Variants in FYB2 observed in about 807,000 individuals in gnomAD.
The protein encoded by FYB2 is FYN binding protein 2, also known as FYN-binding protein 2.
FYB2 carries 103 observed loss-of-function variants against 94.1 expected under a neutral mutation model. The ratio of observed to expected loss-of-function variants is 1.09; its 90% CI spans 0.93 to 1.29. The LOEUF (loss-of-function observed/expected upper bound fraction) is 1.29, where lower values mean the gene tolerates loss of function less well. FYB2 is among the 50% of genes most tolerant of loss of function. The pLI is 0.00. For missense variants in FYB2, 896 were observed against 841.5 expected, an observed-to-expected ratio of 1.06 and a Z score of -0.80; for synonymous variants, 293 against 287.9, an observed-to-expected ratio of 1.02 and a Z score of -0.18.
intron 4 of FYB2, among the ~76,000 whole-genome samples, chr1:56,771,872 C>T (rs980538107): frequency 2.6e-5 from 4 of 151,886 alleles, no homozygotes; most frequent in Admixed American, 6.6e-5. Flanking sequence ...CACATTCCAC[C>T]CAATTGTTTT....
At chr1:56,727,560 C>T (rs948906484) in intron 15 of FYB2, among the ~76,000 whole-genome samples, 1 of 152,034 alleles carries the variant, frequency 6.6e-6, no homozygotes, top group Non-Finnish European at 1.5e-5. Flanking sequence ...AGTTACATAA[C>T]TCTATATACA....
Position 56,720,257 on chromosome 1 carries a change from A to T in FYB2, c.2047T>A (p.Leu683Met). 6.2e-7 allele frequency: 1 copy of T among 1,612,146 alleles called. No individual in the cohort carries two copies. The highest frequency in any genetic ancestry group is 1.7e-5 in the Admixed American group (1 of 59,880). ...AATTCTTCTCCAGGACTTATTGGCA[A>T]ATCAAATATTCCATTTCTTGAATTA... ...SNNSRNGIFDLPISPGEELEV... is the reference protein window; with the variant it reads ...SNNSRNGIFDMPISPGEELEV... The change falls in exon 18 of 20, where the codon TTG becomes ATG. Residue 683 changes from leucine to methionine, a missense_variant. Coordinates refer to ENST00000343433, the MANE Select transcript of FYB2 (RefSeq NM_001004303.5).
chr1:56,819,144 G>T, intron 1 of FYB2, 138 bp downstream of exon 1: 1 of 902,778 alleles, frequency 1.1e-6, no homozygotes, highest in Non-Finnish European at 1.7e-6. Flanking sequence ...AAATGCACTG[G>T]CTGACACCTG....
intron 4 of FYB2, among the ~76,000 whole-genome samples, chr1:56,779,889 C>T (rs1645968205): frequency 6.6e-6 from 1 of 152,094 alleles, no homozygotes; most frequent in African/African-American, 2.4e-5. Context: ...GTTCTGAGTT[C>T]ATATCCCAAA....
chr1:56,742,741 T>C (rs967532378), intron 11 of FYB2, among the ~76,000 whole-genome samples: 1 of 152,040 alleles, frequency 6.6e-6, no homozygotes, highest in African/African-American at 2.4e-5. Flanking sequence ...GGTCAGGATT[T>C]TTAGGTTCAA....
At chr1:56,752,541 G>C (rs1645224313) in intron 8 of FYB2, among the ~76,000 whole-genome samples, 1 of 152,012 alleles carries the variant, frequency 6.6e-6, no homozygotes, top group Non-Finnish European at 1.5e-5. Flanking sequence ...AAGAATAAGA[G>C]GAGGGGCATT....
rs114520910 is a variant in FYB2, at chr1:56,739,408, T to C, written c.1704-755A>G. ...TACAATTTATAAACCTCATGTTTTG[T>C]AGGGTCTCTTGGTAGATCTAGATCC... On this transcript the variant is annotated intron_variant, in intron 13 of 19. Coordinates refer to ENST00000343433, the MANE Select transcript of FYB2 (RefSeq NM_001004303.5). 7.3e-3 allele frequency among the ~76,000 whole-genome samples: 1,104 copies of C among 152,160 alleles called. 4 individuals are homozygous for C. Among genetic ancestry groups the C allele is most frequent in the Non-Finnish European group, 0.011 (750 of 67,966 alleles).
chr1:56,822,933 G>C (rs137964950), upstream of FYB2, among the ~76,000 whole-genome samples: 47 of 152,060 alleles, frequency 3.1e-4, no homozygotes, highest in East Asian at 7.6e-3. Flanking sequence ...ATTCTTGTTG[G>C]TTAGATTAAT....
At chr1:56,772,643 A>G (rs536781887) in intron 4 of FYB2, among the ~76,000 whole-genome samples, 1 of 152,258 alleles carries the variant, frequency 6.6e-6, no homozygotes, top group East Asian at 1.9e-4. Flanking sequence ...TATGAGACAG[A>G]CCTGGAACAT....
intron 4 of FYB2, among the ~76,000 whole-genome samples, chr1:56,781,647 T>G (rs559690272): frequency 6.6e-6 from 1 of 152,318 alleles, no homozygotes; most frequent in South Asian, 2.1e-4. Flanking sequence ...TCCCATGAAA[T>G]TTATTATTTA....
intron 4 of FYB2, among the ~76,000 whole-genome samples, chr1:56,775,117 T>C (rs1455114866): frequency 2.0e-5 from 3 of 152,132 alleles, no homozygotes; most frequent in Admixed American, 6.6e-5. Flanking sequence ...TGTGAGTCAA[T>C]ACTCCTTAAT....
chr1:56,753,884 T>A lies in FYB2; in HGVS notation c.1182A>T (p.Lys394Asn). The change falls in exon 8 of 20, where the codon AAA (lysine) becomes AAT (asparagine). Residue 394 changes from lysine to asparagine, a missense_variant. By Grantham distance (94) the Lys-to-Asn change is moderately conservative. Coordinates refer to ENST00000343433, the MANE Select transcript of FYB2 (RefSeq NM_001004303.5). The part of the protein sequence containing the change: ...KMKEKQPCEL[K>N]PKNTEKEPYS... ...ATGGTTCCTTTTCTGTGTTTTTAGG[T>A]TTCAATTCACATGGTTGTTTTTCCT... 1.9e-6 allele frequency: 3 copies of A among 1,611,740 alleles called. No homozygotes were observed. Among genetic ancestry groups the A allele is most frequent in the Non-Finnish European group, 2.5e-6 (3 of 1,178,326 alleles).
intron 1 of FYB2, among the ~76,000 whole-genome samples, chr1:56,806,720 T>A (rs1358586375): frequency 1.3e-5 from 2 of 152,130 alleles, no homozygotes; most frequent in Admixed American, 6.6e-5. Context: ...CAAATGGGGT[T>A]TATGATGTCT....
At chr1:56,818,962 G>A (rs1421711561) in intron 1 of FYB2, among the ~76,000 whole-genome samples, 2 of 152,174 alleles carry the variant, frequency 1.3e-5, no homozygotes, top group East Asian at 3.9e-4. Context: ...AGAAGCCAGC[G>A]GGCGCTTCAA....
At chr1:56,758,987 T>C (rs554211638) in intron 5 of FYB2, among the ~76,000 whole-genome samples, 7 of 152,178 alleles carry the variant, frequency 4.6e-5, no homozygotes, top group Non-Finnish European at 1.0e-4. Flanking sequence ...TGTGAAACCA[T>C]TTCAGTTTCC....
At chr1:56,812,817 G>A (rs1471111404) in intron 1 of FYB2, among the ~76,000 whole-genome samples, 3 of 152,210 alleles carry the variant, frequency 2.0e-5, no homozygotes, top group Non-Finnish European at 2.9e-5. Context: ...GTTGATGGGG[G>A]AAGAGTAGTG....
rs369200338 is a variant in FYB2 at position 56,726,579 on chromosome 1, C to A, written c.1798G>T (p.Glu600Ter). The A allele has an allele frequency of 3.7e-6, 6 of 1,609,190 alleles. No homozygotes were observed. The African/African-American group carries it at 8.0e-5, about 22-fold the overall frequency. Residue 600 changes from glutamate to a stop codon, truncating the protein, a stop_gained, in exon 16 of 20, where the codon GAA becomes TAA. Coordinates refer to ENST00000343433, the MANE Select transcript of FYB2 (RefSeq NM_001004303.5). LOFTEE classifies it high-confidence loss of function. ...GGCTTCCACATTTTCAGTTTATCTTCATCTCTGAGGAGAAATATATTTTGA... is the reference window on the plus strand; with the variant it reads ...GGCTTCCACATTTTCAGTTTATCTTAATCTCTGAGGAGAAATATATTTTGA... The part of the protein sequence containing the change: ...VDLSEKESKD[E>*]DKLKMWKPKF...
intron 5 of FYB2, among the ~76,000 whole-genome samples, chr1:56,767,219 G>C (rs1645644817): frequency 6.6e-6 from 1 of 152,182 alleles, no homozygotes; most frequent in Non-Finnish European, 1.5e-5. Context: ...GCAGAACAAG[G>C]ACATTGTACC....
chr1:56,721,073 C>T (rs963537904), intron 17 of FYB2, among the ~76,000 whole-genome samples: 2 of 151,934 alleles, frequency 1.3e-5, no homozygotes, highest in African/African-American at 4.8e-5. Flanking sequence ...GGGGCAATTC[C>T]CAGTCTCCTT....
Sources: allele counts gnomAD v4.1 joint callset (sites outside exome capture counted in the v4.1 genomes callset), GRCh38; gene constraint gnomAD v4.1.1; transcripts MANE v1.5; gene names NCBI Gene and HGNC (gene_info 2026-07-23, HGNC 2026-07-21).